The following ENTPD1 variants were observed in gnomAD, a reference collection of about 807,000 sequenced individuals.
The protein encoded by ENTPD1 is ectonucleoside triphosphate diphosphohydrolase 1, also known as ATP diphosphohydrolase.
ENTPD1 carries 33 observed loss-of-function variants against 57.0 expected under a neutral mutation model. That is an observed-to-expected ratio of 0.58 (90% CI 0.44 to 0.77). The LOEUF (loss-of-function observed/expected upper bound fraction) is 0.77. Ranked by LOEUF, ENTPD1 falls within the 30% of genes least tolerant of loss-of-function variation. ENTPD1 has a pLI of 0.00. For missense variants in ENTPD1, 501 were observed against 603.4 expected (o/e 0.83, Z 1.78); for synonymous variants, 202 against 218.8 (o/e 0.92, Z 0.68).
intron 1 of ENTPD1, among the ~76,000 whole-genome samples, chr10:95,712,825 G>C (rs1055032457): frequency 6.6e-6 from 1 of 152,112 alleles, no homozygotes; most frequent in Non-Finnish European, 1.5e-5. Context: ...ATGAGGTCAG[G>C]AGATCGAGAC....
intron 1 of ENTPD1, among the ~76,000 whole-genome samples, chr10:95,723,142 G>A (rs2097979424): frequency 6.6e-6 from 1 of 152,142 alleles, no homozygotes; most frequent in Non-Finnish European, 1.5e-5. Flanking sequence ...CTGACAACAA[G>A]GTAGTATTGG....
At position 95,794,579 on chromosome 10, in the gene ENTPD1, C is replaced by T. The variant is rs190018487; in HGVS notation, c.17-28658C>T. Among the ~76,000 whole-genome samples, 385 of 152,232 alleles carry T rather than the reference C, an allele frequency of 2.5e-3. 1 individual carries two copies. Among genetic ancestry groups the T allele is most frequent in the Non-Finnish European group, 3.7e-3 (251 of 68,018 alleles). ...CATTTTTACAAAGGTCTCCAGTGAACCTAATGTATATATCCGGAATTGAGG... is the reference window on the plus strand; with the variant it reads ...CATTTTTACAAAGGTCTCCAGTGAATCTAATGTATATATCCGGAATTGAGG... On this transcript the variant is annotated intron_variant, in intron 1 of 9. Transcript: ENST00000371205.
chr10:95,724,372 G>A (rs1359978964), intron 1 of ENTPD1, among the ~76,000 whole-genome samples: 1 of 152,044 alleles, frequency 6.6e-6, no homozygotes. Flanking sequence ...ATGTTACCGG[G>A]GCGGGGTGGT....
chr10:95,783,181 C>T (rs1419539913), intron 1 of ENTPD1, among the ~76,000 whole-genome samples: 3 of 152,072 alleles, frequency 2.0e-5, no homozygotes, highest in South Asian at 2.1e-4. Context: ...TTACCATTGT[C>T]GCTGTTCTAT....
At chr10:95,728,675 GA>G (rs2139844486) in intron 1 of ENTPD1, among the ~76,000 whole-genome samples, 1 of 152,292 alleles carries the variant, frequency 6.6e-6, no homozygotes, top group Non-Finnish European at 1.5e-5. Flanking sequence ...CTGGAAAGAT[GA>G]ACTGCTCACA....
At chr10:95,730,645 A>G (rs1283487398) in intron 1 of ENTPD1, among the ~76,000 whole-genome samples, 1 of 152,238 alleles carries the variant, frequency 6.6e-6, no homozygotes, top group East Asian at 1.9e-4. Context: ...TTGTAAGTAA[A>G]TATGTGTTAT....
Position 95,867,563 on chromosome 10 carries a change from G to A in ENTPD1, c.*1180G>A, listed in dbSNP as rs2098475826. 1.0e-6 allele frequency: 1 copy of A among 985,442 alleles called. No individual in the cohort carries two copies. The highest frequency in any genetic ancestry group is 1.7e-5 in the African/African-American group (1 of 57,358). The allele number at this position is 985,442 out of a possible 1,614,324, so 61.0% of individuals were successfully genotyped here. ...TGGAATTTACACATCAGAATGTGCA[G>A]GATCCAAGTCTGAAAGTGTTGCCAC... On this transcript the variant is annotated 3_prime_UTR_variant, in exon 10 of 10. Coordinates refer to ENST00000371205, the MANE Select transcript of ENTPD1 (RefSeq NM_001776.6).
chr10:95,798,933 G>T (rs972359574), intron 1 of ENTPD1, among the ~76,000 whole-genome samples: 12 of 152,188 alleles, frequency 7.9e-5, no homozygotes, highest in African/African-American at 2.4e-4. Context: ...CAGACCACCT[G>T]CATGTGAGCA....
chr10:95,712,269 T>C (rs2097966421), intron 1 of ENTPD1, among the ~76,000 whole-genome samples: 1 of 152,194 alleles, frequency 6.6e-6, no homozygotes, highest in Admixed American at 6.5e-5. Context: ...GACATGGGCC[T>C]AAACCCCCAT....
At chr10:95,736,783 A>AC (rs1260394625) in intron 1 of ENTPD1, among the ~76,000 whole-genome samples, 1 of 152,038 alleles carries the variant, frequency 6.6e-6, no homozygotes, top group Non-Finnish European at 1.5e-5. Flanking sequence ...TTATGCTTCC[A>AC]CCCCCCAACC....
intron 7 of ENTPD1, among the ~76,000 whole-genome samples, chr10:95,854,149 G>A (rs1432420271): frequency 2.0e-5 from 3 of 152,092 alleles, no homozygotes; most frequent in South Asian, 2.1e-4. Flanking sequence ...CTTCTTCCTC[G>A]TTTAGTCTTG....
At position 95,812,940 on chromosome 10, in the gene ENTPD1, C is replaced by T. The variant is rs185283464; in HGVS notation, c.17-10297C>T. ...TTTCTTTTTCTTTGAATTGCCTATT[C>T]ATCTTCTTTGCCATTTTTCTATTAG... On this transcript the variant is annotated intron_variant, in intron 1 of 9. Transcript: ENST00000371205. 2.9e-4 allele frequency among the ~76,000 whole-genome samples: 44 copies of T among 152,036 alleles called. 3 individuals carry two copies. The East Asian group carries it at 6.0e-3, about 21-fold the overall frequency.
intron 2 of ENTPD1, among the ~76,000 whole-genome samples, chr10:95,825,383 T>C (rs1253511242): frequency 2.6e-5 from 4 of 152,226 alleles, no homozygotes; most frequent in Non-Finnish European, 5.9e-5. Flanking sequence ...AAAAACTTTT[T>C]TTCTTGCATG....
At chr10:95,857,467 A>G (rs1018561856) in intron 7 of ENTPD1, among the ~76,000 whole-genome samples, 1 of 152,214 alleles carries the variant, frequency 6.6e-6, no homozygotes, top group Admixed American at 6.5e-5. Context: ...TTAGTGCTTT[A>G]TTACATGCTC....
At chr10:95,790,583 T>C (rs1181506078) in intron 1 of ENTPD1, among the ~76,000 whole-genome samples, 1 of 152,200 alleles carries the variant, frequency 6.6e-6, no homozygotes, top group Non-Finnish European at 1.5e-5. Flanking sequence ...TACCCATCAT[T>C]ACAAACTATC....
Position 95,876,430 on chromosome 10 carries a change from C to T in ENTPD1, c.*10047C>T. 1 of 1,231,238 alleles carries T rather than the reference C, an allele frequency of 8.1e-7. No individual in the cohort carries two copies. Among genetic ancestry groups the T allele is most frequent in the Non-Finnish European group, 1.0e-6 (1 of 987,618 alleles). The allele number at this position is 1,231,238 out of a possible 1,614,324, so 76.3% of individuals were successfully genotyped here. A position where few individuals can be genotyped will look rare whatever the true frequency, so the allele number is the denominator to read the frequency against. On this transcript the variant is annotated 3_prime_UTR_variant, in exon 10 of 10. Transcript: ENST00000371205. ...AATGTTCCCTTTCTCCTCGGTTCTG[C>T]AATCTATAGGCATACCATAATTGTA...
intron 2 of ENTPD1, chr10:95,839,174 A>G (rs2098417477): frequency 6.3e-6 from 1 of 158,952 alleles, no homozygotes. Flanking sequence ...TTATCTGCAC[A>G]TTAGAATCAT....
At chr10:95,776,324 G>T (rs564491902) in intron 1 of ENTPD1, among the ~76,000 whole-genome samples, 2 of 152,288 alleles carry the variant, frequency 1.3e-5, no homozygotes, top group South Asian at 4.1e-4. Context: ...GCTCTTGTAA[G>T]GCAGGCCTGG....
intron 1 of ENTPD1, among the ~76,000 whole-genome samples, chr10:95,800,233 G>A (rs984027341): frequency 4.6e-5 from 7 of 152,086 alleles, no homozygotes; most frequent in Admixed American, 2.6e-4. Context: ...CTGGTCTTCC[G>A]GGGATGTCAT....
Sources: gnomAD v4.1 joint callset for allele counts (sites outside exome capture counted in the v4.1 genomes callset) on GRCh38, gnomAD v4.1.1 for gene constraint, MANE v1.5 for transcripts, NCBI Gene and HGNC (gene_info 2026-07-23, HGNC 2026-07-21) for gene names.